GZMM: variants seen among roughly 807,000 people sequenced by gnomAD.
GZMM encodes the protein granzyme M.
GZMM carries 23 observed loss-of-function variants against 19.2 expected under a neutral mutation model. The observed-to-expected ratio is 1.20, with a 90% CI of 0.86 to 1.69. The LOEUF (loss-of-function observed/expected upper bound fraction) is 1.69. GZMM is among the 40% of genes most tolerant of loss of function. The pLI is 0.00. For missense variants in GZMM, 373 were observed against 352.2 expected (o/e 1.06, Z -0.47); for synonymous variants, 178 against 160.2 (o/e 1.11, Z -0.84).
intron 1 of GZMM, among the ~76,000 whole-genome samples, chr19:545,119 G>GTCGTCCCTCCCTCCCTCCTTCCA (rs1555721650): frequency 8.5e-6 from 1 of 118,148 alleles, no homozygotes; most frequent in African/African-American, 3.9e-5. Flanking sequence ...CCTTTCTCCC[G>GTCGTCCCTCCCTCCCTCCTTCCA]TGCTTCTGTG....
At chr19:546,290 G>A (rs1316784565) in intron 1 of GZMM, among the ~76,000 whole-genome samples, 1 of 152,122 alleles carries the variant, frequency 6.6e-6, no homozygotes, top group Non-Finnish European at 1.5e-5. Context: ...TGTCATCCCA[G>A]CACTTTGGGA....
chr19:549,729 G>C lies in GZMM; in HGVS notation c.712G>C (p.Val238Leu). The change falls in exon 5 of 5, where the codon GTG (valine) becomes CTG (leucine). Residue 238 changes from valine to leucine, a missense_variant. Val to Leu is a conservative substitution (Grantham distance 32, BLOSUM62 1). Coordinates refer to ENST00000264553, the MANE Select transcript of GZMM (RefSeq NM_005317.4). Reference sequence around the variant, plus strand: ...CTGCACTGACATCTTCAAGCCTCCCGTGGCCACCGCTGTGGCGCCTTACGT... The same window carrying C: ...CTGCACTGACATCTTCAAGCCTCCCCTGGCCACCGCTGTGGCGCCTTACGT... ...RVCTDIFKPPVATAVAPYVSW... is the reference protein window; with the variant it reads ...RVCTDIFKPPLATAVAPYVSW... The C allele has an allele frequency of 1.2e-6, 2 of 1,613,674 alleles. No individual in the cohort carries two copies. Among genetic ancestry groups the C allele is most frequent in the Non-Finnish European group, 1.7e-6 (2 of 1,179,898 alleles).
chr19:546,441 T>C (rs1276460125), intron 1 of GZMM, among the ~76,000 whole-genome samples: 1 of 149,636 alleles, frequency 6.7e-6, no homozygotes, highest in Non-Finnish European at 1.5e-5. Context: ...CTCGGGAGGC[T>C]GAGGCAGGAG....
At chr19:544,182 C>T in intron 1 of GZMM, 56 bp downstream of exon 1, 1 of 1,452,108 alleles carries the variant, frequency 6.9e-7, no homozygotes. Context: ...CTCGGTGGGT[C>T]CCTGGATGGG....
At chr19:546,089 G>A (rs1036822371) in intron 1 of GZMM, among the ~76,000 whole-genome samples, 46 of 152,206 alleles carry the variant, frequency 3.0e-4, no homozygotes, top group Admixed American at 1.8e-3. Flanking sequence ...CGCAAGCGGG[G>A]ACTTGATTTT....
chr19:547,197 G>A (rs1268403723), intron 1 of GZMM, 83 bp from the exon 2 acceptor site: 4 of 1,288,502 alleles, frequency 3.1e-6, no homozygotes, highest in Non-Finnish European at 4.1e-6. Flanking sequence ...GGGGTCCTGG[G>A]CCTCTGAGCT....
intron 4 of GZMM, 139 bp from the exon 5 acceptor site, chr19:549,491 C>T (rs931443732): frequency 2.5e-5 from 21 of 848,266 alleles, no homozygotes; most frequent in Admixed American, 2.8e-5. Context: ...GGGGAGGGGA[C>T]ACGCGTGGGC....
Position 549,807 on chromosome 19 carries a change from G to A in GZMM, c.*16G>A, listed in dbSNP as rs748596570. 2 of 1,607,020 alleles carry A rather than the reference G, an allele frequency of 1.2e-6. No individual in the cohort carries two copies. Among genetic ancestry groups the A allele is most frequent in the Non-Finnish European group, 1.7e-6 (2 of 1,178,094 alleles). On this transcript the variant is annotated 3_prime_UTR_variant, in exon 5 of 5. Transcript: ENST00000264553. ...ATCGGCCTGATGCCCTGGGGTGATG[G>A]GGACCCCCTCGCTGTCTCCACAGGA...
In GZMM at chr19:547,372, C is replaced by T. The variant is rs140327613; in HGVS notation, c.148C>T (p.Leu50=). 2.9e-4 allele frequency: 452 copies of T among 1,570,590 alleles called. 1 individual carries two copies. The highest frequency in any genetic ancestry group is 3.9e-4 in the Non-Finnish European group (447 of 1,160,530). ...CTCACTGCAGAGAAATGGCTCCCACCTGTGCGGGGGTGTCCTGGTGCACCC... is the reference window on the plus strand; with the variant it reads ...CTCACTGCAGAGAAATGGCTCCCACTTGTGCGGGGGTGTCCTGGTGCACCC... ...MASLQRNGSH[L]CGGVLVHPKW... Residue 50 remains leucine, a synonymous_variant, in exon 2 of 5, where the codon CTG becomes TTG. Transcript: ENST00000264553.
rs544007268 is a variant in GZMM at position 548,755 on chromosome 19, C to T, written c.348+78C>T. 5.2e-4 allele frequency: 675 copies of T among 1,288,610 alleles called. 1 individual carries two copies. In the African/African-American group the frequency reaches 8.8e-3, roughly 17 times the overall value. 79.8% of individuals were successfully genotyped at this position (1,288,610 alleles called of 1,614,324 possible). ...GCCCCTCACCCCCACTGCGCCCTCC[C>T]CCCGCTGCCGACCCTCCCCCCGCAC... On this transcript the variant is annotated intron_variant, in intron 3 of 4. Coordinates refer to ENST00000264553, the MANE Select transcript of GZMM (RefSeq NM_005317.4).
intron 1 of GZMM, among the ~76,000 whole-genome samples, chr19:544,866 C>A (rs937262888): frequency 1.3e-5 from 2 of 148,164 alleles, no homozygotes; most frequent in Non-Finnish European, 3.0e-5. Flanking sequence ...CCTTTCGTTC[C>A]CCCTTCCTTC....
chr19:547,485 C>T (rs759077712), intron 2 of GZMM, 49 bp downstream of exon 2: 21 of 1,310,676 alleles, frequency 1.6e-5, no homozygotes, highest in Admixed American at 3.0e-5. Context: ...ATCCATCCGA[C>T]GGCGCCCATT....
intron 1 of GZMM, among the ~76,000 whole-genome samples, chr19:545,032 CCT>C (rs1166722276): frequency 2.9e-4 from 42 of 146,400 alleles, no homozygotes; most frequent in Admixed American, 4.0e-4. Context: ...ATCCATCATG[CCT>C]CTCTCTTCCT....
intron 4 of GZMM, 140 bp from the exon 5 acceptor site, chr19:549,490 A>T: frequency 1.2e-6 from 1 of 823,178 alleles, no homozygotes; most frequent in Non-Finnish European, 1.9e-6. Context: ...TGGGGAGGGG[A>T]CACGCGTGGG....
rs1980383250 is a variant in GZMM at position 548,671 on chromosome 19, G to A, written c.342G>A (p.Leu114=). The A allele has an allele frequency of 6.2e-7, 1 of 1,612,724 alleles. No homozygotes were observed. The highest frequency in any genetic ancestry group is 1.7e-5 in the Admixed American group (1 of 59,982). Reference sequence around the variant, plus strand: ...CTGCCCTGGAGAACGACCTCGCGCTGCTTCAGGTGTGCAGGGACGGGACAG... The same window carrying A: ...CTGCCCTGGAGAACGACCTCGCGCTACTTCAGGTGTGCAGGGACGGGACAG... ...PVPALENDLA[L]LQLDGKVKPS... Residue 114 remains leucine, a synonymous_variant, in exon 3 of 5, where the codon CTG becomes CTA. Transcript: ENST00000264553.
chr19:547,069 G>A (rs1345299135), intron 1 of GZMM, among the ~76,000 whole-genome samples: 3 of 146,906 alleles, frequency 2.0e-5, no homozygotes, highest in East Asian at 2.1e-4. Flanking sequence ...GAGGTGGCCT[G>A]GGGGGAACAT....
At chr19:545,076 A>C in intron 1 of GZMM, among the ~76,000 whole-genome samples, 1 of 149,624 alleles carries the variant, frequency 6.7e-6, no homozygotes, top group Non-Finnish European at 1.5e-5. Context: ...CCTCCCATCC[A>C]TCCATCATCC....
chr19:547,486 G>T, intron 2 of GZMM, 50 bp downstream of exon 2: 1 of 1,309,180 alleles, frequency 7.6e-7, no homozygotes. Context: ...TCCATCCGAC[G>T]GCGCCCATTC....
intron 1 of GZMM, among the ~76,000 whole-genome samples, chr19:544,870 T>A (rs1600437663): frequency 7.0e-6 from 1 of 142,666 alleles, no homozygotes; most frequent in Non-Finnish European, 1.5e-5. Context: ...TCGTTCCCCC[T>A]TCCTTCCCTC....
Sources: gnomAD v4.1 joint callset for allele counts (sites outside exome capture counted in the v4.1 genomes callset) on GRCh38, gnomAD v4.1.1 for gene constraint, MANE v1.5 for transcripts, NCBI Gene and HGNC (gene_info 2026-07-23, HGNC 2026-07-21) for gene names.